The following ANO10 variants were observed in gnomAD, a reference collection of about 807,000 sequenced individuals.
The protein encoded by ANO10 is anoctamin 10, also known as anoctamin-10.
ANO10 carries 77 observed loss-of-function variants against 74.7 expected under a neutral mutation model. That is an observed-to-expected ratio of 1.03 (90% CI 0.86 to 1.25). The LOEUF (loss-of-function observed/expected upper bound fraction) is 1.25. ANO10 is among the 50% of genes most tolerant of loss of function. The pLI, the probability that ANO10 is intolerant of heterozygous loss-of-function variation, is 0.00. For synonymous variants in ANO10, 279 were observed against 284.9 expected, an observed-to-expected ratio of 0.98 and a Z score of 0.21; for missense variants, 721 against 778.1, an observed-to-expected ratio of 0.93 and a Z score of 0.87.
chr3:43,469,177 G>T (rs560893812), intron 11 of ANO10, among the ~76,000 whole-genome samples: 1 of 151,382 alleles, frequency 6.6e-6, no homozygotes, highest in East Asian at 2.0e-4. Context: ...AGACTAGCTG[G>T]AATTACAGGC....
At chr3:43,503,972 G>T (rs1020773574) in intron 11 of ANO10, among the ~76,000 whole-genome samples, 1 of 152,056 alleles carries the variant, frequency 6.6e-6, no homozygotes, top group Non-Finnish European at 1.5e-5. Context: ...TATATAAAGT[G>T]TTGGGGATTG....
intron 1 of ANO10, among the ~76,000 whole-genome samples, chr3:43,666,743 A>T (rs2083997196): frequency 6.6e-6 from 1 of 152,176 alleles, no homozygotes; most frequent in Non-Finnish European, 1.5e-5. Flanking sequence ...CAGATTTGCC[A>T]TCTGTTAAGG....
In ANO10 at chr3:43,657,746, A is replaced by G. The variant is rs545846175; in HGVS notation, c.-12+33771T>C. On this transcript the variant is annotated intron_variant, in intron 1 of 3. Coordinates refer to the ANO10 transcript ENST00000413397. ...CCTCCTAGCCATTCTGTCACCCCTG[A>G]TATCCTTCAGGTATATTTTTTCTTG... 7.2e-5 allele frequency among the ~76,000 whole-genome samples: 11 copies of G among 152,242 alleles called. No individual in the cohort carries two copies. In the South Asian group the frequency reaches 1.5e-3, roughly 20 times the overall value.
intron 12 of ANO10, among the ~76,000 whole-genome samples, chr3:43,385,591 A>C (rs2125705283): frequency 6.6e-6 from 1 of 152,322 alleles, no homozygotes; most frequent in South Asian, 2.1e-4. Flanking sequence ...AAGAAACGAA[A>C]TAATGGCATC....
At chr3:43,472,592 C>CA (rs35920884) in intron 11 of ANO10, 33,568 of 149,062 alleles carry the variant, frequency 0.23, 4,224 homozygotes, top group Middle Eastern at 0.35. Flanking sequence ...CTTGACTAGC[C>CA]AAAAAAAAAG....
intron 1 of ANO10, among the ~76,000 whole-genome samples, chr3:43,664,172 C>G (rs560797685): frequency 2.6e-5 from 4 of 152,174 alleles, no homozygotes; most frequent in South Asian, 2.1e-4. Context: ...GGTATTGGTA[C>G]CAAAACAGAT....
chr3:43,580,285 C>T (rs192787846), intron 5 of ANO10, 68 bp downstream of exon 5: 1 of 1,604,046 alleles, frequency 6.2e-7, no homozygotes, highest in South Asian at 1.1e-5. Context: ...GAGCTGACTC[C>T]ACTGCTAGAT....
At position 43,432,625 on chromosome 3, in the gene ANO10, CCT is replaced by C. The variant is rs1213975124; in HGVS notation, c.1898_1899del (p.Glu633GlyfsTer62). The C allele has an allele frequency of 4.3e-6, 7 of 1,612,582 alleles. No individual in the cohort carries two copies. In the East Asian group the frequency reaches 1.6e-4, roughly 36 times the overall value. On this transcript the variant is annotated frameshift_variant, in exon 12 of 13. Coordinates refer to ENST00000292246, the MANE Select transcript of ANO10 (RefSeq NM_018075.5). LOFTEE classifies it high-confidence loss of function. The stretch of plus-strand genomic sequence containing the variant: ...GCTGCTCTCACCTGCTGCTTGAGTG[CCT>C]CCAAAGACTCAAATTCCAGTCTGGC... ...KLARLEFESL[E>X]ALKQQQMKLV...
chr3:43,401,341 C>G (rs1346544056), intron 12 of ANO10, among the ~76,000 whole-genome samples: 1 of 152,182 alleles, frequency 6.6e-6, no homozygotes, highest in East Asian at 1.9e-4. Context: ...CTCAAAAATT[C>G]CCTTGCAGGC....
chr3:43,493,428 T>A (rs914346426), intron 11 of ANO10, among the ~76,000 whole-genome samples: 2 of 151,888 alleles, frequency 1.3e-5, no homozygotes, highest in African/African-American at 4.8e-5. Flanking sequence ...AAAAAAAAAA[T>A]TGATGCTTCA....
At chr3:43,606,980 G>A (rs1381092783) in intron 1 of ANO10, among the ~76,000 whole-genome samples, 1 of 152,046 alleles carries the variant, frequency 6.6e-6, no homozygotes, top group African/African-American at 2.4e-5. Flanking sequence ...TTGATCTCAC[G>A]CACAAAATTA....
intron 2 of ANO10, among the ~76,000 whole-genome samples, chr3:43,602,767 C>A (rs1364800500): frequency 6.6e-6 from 1 of 152,190 alleles, no homozygotes; most frequent in African/African-American, 2.4e-5. Flanking sequence ...AATGGAACTT[C>A]TGAGGGCTTA....
At chr3:43,481,927 C>CTT (rs1161910647) in intron 11 of ANO10, among the ~76,000 whole-genome samples, 62 of 123,834 alleles carry the variant, frequency 5.0e-4, no homozygotes, top group East Asian at 7.3e-4. Context: ...CTTTTTTTTT[C>CTT]TTTTTTTTTT....
chr3:43,614,783 A>C (rs935223001), intron 1 of ANO10, among the ~76,000 whole-genome samples: 9 of 127,834 alleles, frequency 7.0e-5, no homozygotes, highest in Non-Finnish European at 1.3e-4. Context: ...ATATATATAT[A>C]TATATATATA....
rs148788719 is a variant in ANO10 at position 43,523,043 on chromosome 3, G to A, written c.1797+26677C>T. 1.4e-4 allele frequency among the ~76,000 whole-genome samples: 22 copies of A among 152,354 alleles called. No homozygotes were observed. In the East Asian group the frequency reaches 3.9e-3, roughly 27 times the overall value. On this transcript the variant is annotated intron_variant, in intron 11 of 12. Transcript: ENST00000292246. ...TATAGTGGGAGGGGGCATCTGCCATGAGGTCAGAGATTCTCTGGACACAGG... is the reference window on the plus strand; with the variant it reads ...TATAGTGGGAGGGGGCATCTGCCATAAGGTCAGAGATTCTCTGGACACAGG...
At chr3:43,597,756 T>TATA (rs146754070) in intron 4 of ANO10, among the ~76,000 whole-genome samples, 2,909 of 151,960 alleles carry the variant, frequency 0.019, 88 homozygotes, top group African/African-American at 0.066. Context: ...GAACTTAAAG[T>TATA]ATAATAATAA....
chr3:43,576,867 T>C lies in ANO10; in HGVS notation c.987A>G (p.Ser329=), dbSNP rs760603889. The C allele has an allele frequency of 3.1e-6, 5 of 1,613,850 alleles. No homozygotes were observed. The South Asian group carries it at 5.5e-5, about 18-fold the overall frequency. The part of the protein sequence containing the change: ...LPFVCLCLYF[S]LYVMMIYFDM... Reference sequence around the variant, plus strand: ...CGAAGTAAATCATCATGACATACAGTGAGAAATAGAGGCAGAGGCACACGA... The same window carrying C: ...CGAAGTAAATCATCATGACATACAGCGAGAAATAGAGGCAGAGGCACACGA... Residue 329 remains serine (S), a synonymous_variant, in exon 6 of 13, where the codon TCA becomes TCG. Coordinates refer to ENST00000292246, the MANE Select transcript of ANO10 (RefSeq NM_018075.5).
chr3:43,501,065 C>A (rs895529254), intron 11 of ANO10, among the ~76,000 whole-genome samples: 5 of 152,170 alleles, frequency 3.3e-5, no homozygotes, highest in Non-Finnish European at 5.9e-5. Context: ...TGAAGAAATA[C>A]CTGAGGCTGG....
intron 7 of ANO10, among the ~76,000 whole-genome samples, chr3:43,567,953 G>C (rs2080463193): frequency 6.6e-6 from 1 of 152,050 alleles, no homozygotes; most frequent in South Asian, 2.1e-4. Flanking sequence ...CACGTGCAGA[G>C]ACACCCACAG....
Sources: gnomAD v4.1 joint callset for allele counts (sites outside exome capture counted in the v4.1 genomes callset) on GRCh38, gnomAD v4.1.1 for gene constraint, MANE v1.5 for transcripts, NCBI Gene and HGNC (gene_info 2026-07-23, HGNC 2026-07-21) for gene names.